Variants in MSRB3 observed in about 807,000 individuals in gnomAD.
The protein encoded by MSRB3 is methionine sulfoxide reductase B3.
A neutral mutation model predicts 21.0 loss-of-function variants in MSRB3; 13 were observed. That is an observed-to-expected ratio of 0.62 (90% CI 0.40 to 0.98). The LOEUF (loss-of-function observed/expected upper bound fraction) is 0.98. MSRB3 is among the 50% of genes least tolerant of loss of function. MSRB3 has a pLI of 0.00. For missense variants in MSRB3, 199 were observed against 230.3 expected, an observed-to-expected ratio of 0.86 and a Z score of 0.88; for synonymous variants, 87 against 88.6, an observed-to-expected ratio of 0.98 and a Z score of 0.10.
At chr12:65,327,041 G>A in intron 3 of MSRB3, 107 bp downstream of exon 3, 1 of 812,722 alleles carries the variant, frequency 1.2e-6, no homozygotes, top group Non-Finnish European at 2.1e-6. Context: ...ATACTTACTT[G>A]CTAAAGTCTA....
chr12:65,352,979 G>C (rs1375396227), intron 4 of MSRB3, among the ~76,000 whole-genome samples: 1 of 151,760 alleles, frequency 6.6e-6, no homozygotes, highest in East Asian at 1.9e-4. Context: ...AAGTTCATAT[G>C]GAACCAAAAA....
At chr12:65,410,113 T>A (rs1880636725) in intron 5 of MSRB3, among the ~76,000 whole-genome samples, 1 of 152,260 alleles carries the variant, frequency 6.6e-6, no homozygotes, top group Admixed American at 6.5e-5. Context: ...TTAAATTTTA[T>A]AATGTAATTA....
chr12:65,407,210 G>C (rs910780856), intron 5 of MSRB3, among the ~76,000 whole-genome samples: 2 of 152,056 alleles, frequency 1.3e-5, no homozygotes, highest in Non-Finnish European at 1.5e-5. Context: ...AATGGGAAAG[G>C]ACAGTCTTTT....
intron 5 of MSRB3, among the ~76,000 whole-genome samples, chr12:65,412,671 CTT>C (rs2052497829): frequency 6.6e-6 from 1 of 152,092 alleles, no homozygotes; most frequent in Non-Finnish European, 1.5e-5. Flanking sequence ...CTTTCCCACT[CTT>C]TGAGAGGTGT....
intron 5 of MSRB3, among the ~76,000 whole-genome samples, chr12:65,452,718 A>G (rs1329138439): frequency 6.6e-6 from 1 of 152,200 alleles, no homozygotes; most frequent in Non-Finnish European, 1.5e-5. Flanking sequence ...ACTAAAAATC[A>G]TGTTGTTGAA....
intron 5 of MSRB3, among the ~76,000 whole-genome samples, chr12:65,406,150 A>G (rs1194790345): frequency 6.6e-6 from 1 of 152,118 alleles, no homozygotes; most frequent in Non-Finnish European, 1.5e-5. Context: ...CTGTCCAGAT[A>G]AGTGTCATCG....
intron 1 of MSRB3, among the ~76,000 whole-genome samples, chr12:65,287,302 A>T (rs556519912): frequency 1.9e-4 from 29 of 151,842 alleles, no homozygotes; most frequent in African/African-American, 6.8e-4. Context: ...TTTTAAAAAA[A>T]ATTTATGTAG....
intron 4 of MSRB3, among the ~76,000 whole-genome samples, chr12:65,358,809 G>T (rs1254854271): frequency 6.6e-6 from 1 of 151,734 alleles, no homozygotes; most frequent in Non-Finnish European, 1.5e-5. Flanking sequence ...ACCTGTGATG[G>T]GTTATCCTTA....
intron 2 of MSRB3, among the ~76,000 whole-genome samples, chr12:65,312,901 T>G (rs1874067897): frequency 6.6e-6 from 1 of 151,658 alleles, no homozygotes; most frequent in Non-Finnish European, 1.5e-5. Context: ...AACTCCTTTA[T>G]ATGGGAAGAT....
intron 5 of MSRB3, among the ~76,000 whole-genome samples, chr12:65,379,301 C>G (rs927733889): frequency 9.9e-5 from 15 of 152,086 alleles, no homozygotes; most frequent in African/African-American, 3.1e-4. Flanking sequence ...AATTCATTGC[C>G]TAAGACCTTG....
At chr12:65,299,938 A>C (rs1025165645) in intron 1 of MSRB3, among the ~76,000 whole-genome samples, 24 of 152,198 alleles carry the variant, frequency 1.6e-4, no homozygotes, top group African/African-American at 5.5e-4. Context: ...TCCAGGTCAC[A>C]ATGTGAGCTA....
intron 5 of MSRB3, among the ~76,000 whole-genome samples, chr12:65,398,972 A>G (rs1453139700): frequency 2.0e-5 from 3 of 151,942 alleles, no homozygotes; most frequent in Admixed American, 1.3e-4. Flanking sequence ...CTATATATCA[A>G]TTTTGGTACC....
intron 5 of MSRB3, among the ~76,000 whole-genome samples, chr12:65,415,326 G>T (rs1003334946): frequency 6.6e-6 from 1 of 152,134 alleles, no homozygotes; most frequent in African/African-American, 2.4e-5. Context: ...CTTTCCATGA[G>T]CTATGAGAAA....
intron 1 of MSRB3, chr12:65,284,658 A>G (rs1156878110): frequency 6.6e-6 from 1 of 152,232 alleles, no homozygotes; most frequent in Non-Finnish European, 1.5e-5. Flanking sequence ...TTAAAAATAA[A>G]GAGAAAAAGA....
rs534735784 is a variant in MSRB3, at chr12:65,403,603, A to G, written c.292+34577A>G. Among the ~76,000 whole-genome samples the G allele has an allele frequency of 6.0e-4, 92 of 152,184 alleles. 1 individual carries two copies. The Middle Eastern group carries it at 0.01, about 17-fold the overall frequency. ...GCTTCCTGGCTTCAGCCCACTTTCC[A>G]GGGGACAGAACAGTTCTGTCTCATT... On this transcript the variant is annotated intron_variant, in intron 5 of 6. Coordinates refer to ENST00000308259, the MANE Select transcript of MSRB3 (RefSeq NM_001031679.3).
intron 5 of MSRB3, among the ~76,000 whole-genome samples, chr12:65,402,736 C>T (rs868798901): frequency 3.9e-5 from 6 of 152,122 alleles, no homozygotes; most frequent in Non-Finnish European, 8.8e-5. Context: ...TGGTTTTTCC[C>T]CATCTTCGTG....
Position 65,341,546 on chromosome 12 carries a change from A to T in MSRB3, c.263+12943A>T, listed in dbSNP as rs542360408. Among the ~76,000 whole-genome samples, 16 of 26,386 alleles carry T rather than the reference A, an allele frequency of 6.1e-4. No individual in the cohort carries two copies. In the South Asian group the frequency reaches 0.014, roughly 23 times the overall value. The allele number at this position is 26,386 out of a possible 152,430, so 17.3% of individuals were successfully genotyped here. A position where few individuals can be genotyped will look rare whatever the true frequency, so the allele number is the denominator to read the frequency against. ...GTAGTAAAAAAATAATTGTACATTA[A>T]AAAAAAAAAACTAAAAGAGTATAAT... is the stretch of plus-strand genomic sequence containing the variant. On this transcript the variant is annotated intron_variant, in intron 4 of 6. Coordinates refer to ENST00000308259, the MANE Select transcript of MSRB3 (RefSeq NM_001031679.3).
chr12:65,295,400 C>A lies in MSRB3; in HGVS notation c.-51-13129C>A, dbSNP rs570422124. On this transcript the variant is annotated intron_variant, in intron 1 of 6. Coordinates refer to ENST00000308259, the MANE Select transcript of MSRB3 (RefSeq NM_001031679.3). ...TATGATTTTGTATTATACGTTCTCC[C>A]TTTTAAGGATTATTTTTATCTTTTT... Among the ~76,000 whole-genome samples the A allele has an allele frequency of 3.0e-4, 46 of 152,264 alleles. No individual in the cohort carries two copies. In the South Asian group the frequency reaches 9.1e-3, roughly 30 times the overall value.
chr12:65,367,918 T>TATAC (rs35828780), intron 4 of MSRB3, among the ~76,000 whole-genome samples: 40 of 151,412 alleles, frequency 2.6e-4, no homozygotes, highest in East Asian at 2.3e-3. Flanking sequence ...CATATACATA[T>TATAC]ACACACACAC....
Sources: gnomAD v4.1 joint callset for allele counts (sites outside exome capture counted in the v4.1 genomes callset) on GRCh38, gnomAD v4.1.1 for gene constraint, MANE v1.5 for transcripts, NCBI Gene and HGNC (gene_info 2026-07-23, HGNC 2026-07-21) for gene names.